The following NCKAP5 variants were observed in gnomAD, a reference collection of about 807,000 sequenced individuals.
The protein encoded by NCKAP5 is NCK associated protein 5.
In NCKAP5, 92 loss-of-function variants were observed where a neutral mutation model predicts 167.0. The ratio of observed to expected loss-of-function variants is 0.55; its 90% CI spans 0.47 to 0.66. The LOEUF is 0.66. NCKAP5 is among the 30% of genes least tolerant of loss of function. The probability of loss-of-function intolerance (pLI) is 0.00; values close to 1 mark genes in which losing one functional copy is unlikely to be tolerated. For missense variants in NCKAP5, 2,378 were observed against 2,315.0 expected, an observed-to-expected ratio of 1.03 and a Z score of -0.56; for synonymous variants, 891 against 877.4, an observed-to-expected ratio of 1.02 and a Z score of -0.27.
At chr2:133,327,513 TA>T (rs1682535332) in intron 3 of NCKAP5, among the ~76,000 whole-genome samples, 1 of 152,158 alleles carries the variant, frequency 6.6e-6, no homozygotes, top group Non-Finnish European at 1.5e-5. Context: ...CTGCAGGTTG[TA>T]GCCTTAATAA....
At chr2:133,167,771 A>G (rs1430910940) in intron 5 of NCKAP5, among the ~76,000 whole-genome samples, 1 of 152,188 alleles carries the variant, frequency 6.6e-6, no homozygotes, top group East Asian at 1.9e-4. Context: ...TCATTTGATC[A>G]CATGATCTCT....
intron 15 of NCKAP5, among the ~76,000 whole-genome samples, chr2:132,775,752 C>T (rs6735149): frequency 0.089 from 13,585 of 152,170 alleles, 714 homozygotes; most frequent in East Asian, 0.19. Context: ...ATTAATAATC[C>T]ACTGGGAGCC....
chr2:133,564,586 A>G (rs1461236316), intron 1 of NCKAP5, among the ~76,000 whole-genome samples: 1 of 152,208 alleles, frequency 6.6e-6, no homozygotes, highest in Non-Finnish European at 1.5e-5. Flanking sequence ...AACAGAGTTT[A>G]GATAGAATAC....
intron 6 of NCKAP5, among the ~76,000 whole-genome samples, chr2:133,082,728 G>C (rs769859779): frequency 2.0e-5 from 3 of 152,124 alleles, no homozygotes; most frequent in Admixed American, 6.6e-5. Context: ...GCCAGGTTTT[G>C]GAAGTTGAAA....
At chr2:132,789,744 C>T (rs1221632312) in intron 13 of NCKAP5, among the ~76,000 whole-genome samples, 1 of 152,126 alleles carries the variant, frequency 6.6e-6, no homozygotes, top group Non-Finnish European at 1.5e-5. Flanking sequence ...TATTAAAAAT[C>T]CTGGTAAAGG....
At chr2:133,143,168 CTATT>C (rs368502097) in intron 5 of NCKAP5, among the ~76,000 whole-genome samples, 83 of 152,006 alleles carry the variant, frequency 5.5e-4, no homozygotes, top group African/African-American at 1.9e-3. Flanking sequence ...GGCTAAGACT[CTATT>C]TATGATCAAA....
At chr2:132,829,149 G>C (rs772710453) in intron 11 of NCKAP5, among the ~76,000 whole-genome samples, 10 of 152,178 alleles carry the variant, frequency 6.6e-5, no homozygotes, top group Non-Finnish European at 1.2e-4. Context: ...TTGAATATTA[G>C]TAATAATGAG....
intron 3 of NCKAP5, among the ~76,000 whole-genome samples, chr2:133,484,853 G>A (rs1015851020): frequency 6.6e-6 from 1 of 152,118 alleles, no homozygotes; most frequent in Non-Finnish European, 1.5e-5. Context: ...CAGCATTTTG[G>A]ATAAAGGATA....
At chr2:132,682,444 A>G (rs1233057247) in intron 19 of NCKAP5, among the ~76,000 whole-genome samples, 1 of 152,216 alleles carries the variant, frequency 6.6e-6, no homozygotes, top group Non-Finnish European at 1.5e-5. Context: ...AAGTACCTAC[A>G]ATGTACCAGA....
At chr2:133,346,906 C>T (rs1157688676) in intron 3 of NCKAP5, among the ~76,000 whole-genome samples, 2 of 152,222 alleles carry the variant, frequency 1.3e-5, no homozygotes, top group African/African-American at 4.8e-5. Flanking sequence ...GGGTGAATTT[C>T]TGTGAGCTCT....
intron 3 of NCKAP5, among the ~76,000 whole-genome samples, chr2:133,413,843 TTA>T (rs537600176): frequency 6.6e-6 from 1 of 152,170 alleles, no homozygotes; most frequent in Non-Finnish European, 1.5e-5. Context: ...GCTTCACTAT[TTA>T]TGTTATTTGT....
intron 16 of NCKAP5, among the ~76,000 whole-genome samples, chr2:132,759,338 T>C (rs368954262): frequency 2.1e-4 from 32 of 152,330 alleles, no homozygotes; most frequent in African/African-American, 4.6e-4. Flanking sequence ...GATATACTTG[T>C]TAAGGGTTTT....
intron 11 of NCKAP5, among the ~76,000 whole-genome samples, chr2:132,835,947 A>G (rs1345868538): frequency 6.6e-6 from 1 of 152,152 alleles, no homozygotes; most frequent in African/African-American, 2.4e-5. Flanking sequence ...TGATTACTGC[A>G]TATTAGGTAC....
intron 2 of NCKAP5, among the ~76,000 whole-genome samples, chr2:133,528,458 G>A (rs993739210): frequency 6.6e-6 from 1 of 152,096 alleles, no homozygotes; most frequent in African/African-American, 2.4e-5. Flanking sequence ...GGCAGATCTC[G>A]TTAAAATACA....
chr2:133,651,720 A>G, the NCKAP5 span, among the ~76,000 whole-genome samples: 1 of 152,224 alleles, frequency 6.6e-6, no homozygotes. Context: ...CATGTGTATT[A>G]CAGTACTATT....
intron 3 of NCKAP5, among the ~76,000 whole-genome samples, chr2:133,346,649 C>A (rs78688975): frequency 2.0e-5 from 3 of 152,312 alleles, no homozygotes; most frequent in African/African-American, 4.8e-5. Context: ...AAGTGGCCCA[C>A]GCAAGGAGCA....
intron 6 of NCKAP5, among the ~76,000 whole-genome samples, chr2:133,121,757 A>AAACAC (rs57131277): frequency 0.17 from 25,189 of 151,994 alleles, 2,521 homozygotes; most frequent in East Asian, 0.37. Flanking sequence ...CCCAAAAGGT[A>AAACAC]AACACTCTAA....
chr2:133,303,170 C>T, intron 3 of NCKAP5, 60 bp from the exon 4 acceptor site: 1 of 1,169,602 alleles, frequency 8.5e-7, no homozygotes, highest in Non-Finnish European at 1.3e-6. Context: ...CATCCTAAGA[C>T]CCTGACCTTA....
chr2:133,065,530 C>G (rs747463098), intron 6 of NCKAP5, among the ~76,000 whole-genome samples: 9 of 152,160 alleles, frequency 5.9e-5, no homozygotes, highest in Non-Finnish European at 1.3e-4. Flanking sequence ...GAGGCTGAGG[C>G]AGGAGAATTG....
Sources: allele counts gnomAD v4.1 joint callset (sites outside exome capture counted in the v4.1 genomes callset), GRCh38; gene constraint gnomAD v4.1.1; transcripts MANE v1.5; gene names NCBI Gene and HGNC (gene_info 2026-07-23, HGNC 2026-07-21).